The following PITPNC1 variants were observed in gnomAD, a reference collection of about 807,000 sequenced individuals.
PITPNC1 encodes the protein phosphatidylinositol transfer protein cytoplasmic 1, also known as cytoplasmic phosphatidylinositol transfer protein 1.
Under a neutral mutation model 44.7 loss-of-function variants are expected in PITPNC1, and 18 were observed. The ratio of observed to expected loss-of-function variants is 0.40; its 90% confidence interval spans 0.28 to 0.60. The LOEUF (loss-of-function observed/expected upper bound fraction) is 0.60, where lower values mean the gene tolerates loss of function less well. Among genes scored for constraint, PITPNC1 ranks in the 20% least tolerant of loss-of-function variants. The probability of loss-of-function intolerance (pLI) is 0.39; values close to 1 mark genes in which losing one functional copy is unlikely to be tolerated. For synonymous variants in PITPNC1, 141 were observed against 149.6 expected (o/e 0.94, Z 0.42); for missense variants, 290 against 418.4 (o/e 0.69, Z 2.68).
chr17:67,479,271 A>G (rs2144023577), intron 1 of PITPNC1, among the ~76,000 whole-genome samples: 1 of 152,252 alleles, frequency 6.6e-6, no homozygotes. Flanking sequence ...TCTGCCTACC[A>G]CACACACGTC....
At chr17:67,583,478 C>T (rs1208585193) in intron 5 of PITPNC1, among the ~76,000 whole-genome samples, 5 of 151,160 alleles carry the variant, frequency 3.3e-5, no homozygotes, top group Non-Finnish European at 1.5e-5. Flanking sequence ...ATCCCAGCTA[C>T]TAGGGAGGCT....
chr17:67,612,476 T>G (rs1233404813), intron 5 of PITPNC1: 1 of 152,248 alleles, frequency 6.6e-6, no homozygotes, highest in African/African-American at 2.4e-5. Context: ...TTCCAGGTGA[T>G]GAAATGGAGG....
intron 5 of PITPNC1, among the ~76,000 whole-genome samples, chr17:67,618,029 C>T (rs1021541724): frequency 2.0e-5 from 3 of 152,066 alleles, no homozygotes; most frequent in Non-Finnish European, 4.4e-5. Flanking sequence ...ATATACCATA[C>T]AACCCAGCAG....
At chr17:67,511,148 G>A (rs921997817) in intron 1 of PITPNC1, among the ~76,000 whole-genome samples, 5 of 151,792 alleles carry the variant, frequency 3.3e-5, no homozygotes, top group African/African-American at 1.2e-4. Context: ...ATGCAACTGG[G>A]GCATCTTTCC....
chr17:67,586,051 A>G lies in PITPNC1; in HGVS notation c.366+7794A>G, dbSNP rs77604531. Among the ~76,000 whole-genome samples the G allele has an allele frequency of 9.7e-3, 1,481 of 152,264 alleles. 34 individuals carry two copies. The highest frequency in any genetic ancestry group is 0.034 in the African/African-American group (1,393 of 41,554). ...GAGCAAAGGCCCTGGACCCTAACAC[A>G]GCCTCACATATTCCAGGAACTGTTG... On this transcript the variant is annotated intron_variant, in intron 5 of 8. Coordinates refer to ENST00000581322, the MANE Select transcript of PITPNC1 (RefSeq NM_012417.4).
chr17:67,391,772 C>T (rs1233280045), intron 1 of PITPNC1, among the ~76,000 whole-genome samples: 2 of 152,012 alleles, frequency 1.3e-5, no homozygotes, highest in African/African-American at 4.8e-5. Flanking sequence ...TGAGCCACCG[C>T]ACCGGGCCAA....
intron 1 of PITPNC1, among the ~76,000 whole-genome samples, chr17:67,411,336 A>G (rs539389668): frequency 5.9e-5 from 9 of 152,274 alleles, no homozygotes; most frequent in South Asian, 2.1e-4. Flanking sequence ...GAGTGGGGCA[A>G]ATCTACAGCT....
chr17:67,606,941 C>A (rs77653372), intron 5 of PITPNC1, among the ~76,000 whole-genome samples: 1 of 152,160 alleles, frequency 6.6e-6, no homozygotes. Context: ...ACCTGGCAGT[C>A]GCTTGACCTT....
chr17:67,636,068 G>T (rs1256765301), intron 6 of PITPNC1, among the ~76,000 whole-genome samples: 1 of 152,150 alleles, frequency 6.6e-6, no homozygotes, highest in East Asian at 1.9e-4. Context: ...GGAGGCCGAG[G>T]CAGGTGAATC....
intron 1 of PITPNC1, among the ~76,000 whole-genome samples, chr17:67,525,837 C>T (rs988660395): frequency 6.6e-6 from 1 of 152,214 alleles, no homozygotes; most frequent in Non-Finnish European, 1.5e-5. Flanking sequence ...ATATCACTCT[C>T]TGCTTTTCCA....
chr17:67,487,741 C>T (rs200568273), intron 1 of PITPNC1, among the ~76,000 whole-genome samples: 2 of 152,108 alleles, frequency 1.3e-5, no homozygotes, highest in East Asian at 3.8e-4. Flanking sequence ...CAAGTGTAAG[C>T]GCTGTTCTGG....
At chr17:67,641,553 T>C (rs989437513) in intron 6 of PITPNC1, among the ~76,000 whole-genome samples, 3 of 151,962 alleles carry the variant, frequency 2.0e-5, no homozygotes, top group Non-Finnish European at 2.9e-5. Flanking sequence ...TCCCAGCACT[T>C]TGGGAGGCCA....
intron 1 of PITPNC1, among the ~76,000 whole-genome samples, chr17:67,512,500 C>CAAAAAA (rs1006177232): frequency 1.2e-4 from 7 of 59,692 alleles, no homozygotes; most frequent in African/African-American, 3.3e-4. Context: ...GACTGTGTCT[C>CAAAAAA]AAAAAAAAAA....
At chr17:67,600,884 G>A (rs2041530564) in intron 5 of PITPNC1, among the ~76,000 whole-genome samples, 2 of 151,882 alleles carry the variant, frequency 1.3e-5, no homozygotes, top group Admixed American at 6.6e-5. Context: ...ATTGAAGAGA[G>A]ACATAAATCC....
chr17:67,458,996 A>G (rs1265883362), intron 1 of PITPNC1, among the ~76,000 whole-genome samples: 1 of 151,740 alleles, frequency 6.6e-6, no homozygotes, highest in African/African-American at 2.4e-5. Flanking sequence ...CAAGAACACA[A>G]AATTGTTCTC....
chr17:67,595,338 C>A (rs2041445991), intron 5 of PITPNC1, among the ~76,000 whole-genome samples: 1 of 152,156 alleles, frequency 6.6e-6, no homozygotes, highest in Non-Finnish European at 1.5e-5. Context: ...ATTGAATCTT[C>A]TTCCCCTTGG....
chr17:67,391,641 C>T (rs946306776), intron 1 of PITPNC1, among the ~76,000 whole-genome samples: 9 of 152,102 alleles, frequency 5.9e-5, no homozygotes, highest in Non-Finnish European at 1.0e-4. Flanking sequence ...CCGCCACGCC[C>T]GGCTAATTTT....
chr17:67,667,618 A>C (rs1402056097), intron 6 of PITPNC1, among the ~76,000 whole-genome samples: 2 of 151,892 alleles, frequency 1.3e-5, no homozygotes, highest in Non-Finnish European at 2.9e-5. Context: ...TGAAATAATC[A>C]GCAAATGATT....
intron 1 of PITPNC1, among the ~76,000 whole-genome samples, chr17:67,502,744 C>CGTTGCATTGTATTGTATTGT (rs2040049376): frequency 7.3e-6 from 1 of 137,826 alleles, no homozygotes; most frequent in African/African-American, 2.9e-5. Context: ...CATTGCATTG[C>CGTTGCATTGTATTGTATTGT]ATTGTATTGT....
Sources: allele counts gnomAD v4.1 joint callset (sites outside exome capture counted in the v4.1 genomes callset), GRCh38; gene constraint gnomAD v4.1.1; transcripts MANE v1.5; gene names NCBI Gene and HGNC (gene_info 2026-07-23, HGNC 2026-07-21).